The following PDE4D variants were observed in gnomAD, a reference collection of about 807,000 sequenced individuals.
PDE4D encodes the protein phosphodiesterase 4D, also known as 3',5'-cyclic-AMP phosphodiesterase 4D.
A neutral mutation model predicts 87.4 loss-of-function variants in PDE4D; 24 were observed. That is an observed-to-expected ratio of 0.27 (90% CI 0.20 to 0.39). The LOEUF is 0.39. Ranked by LOEUF, PDE4D falls within the 10% of genes least tolerant of loss-of-function variation. The pLI is 1.00. For synonymous variants in PDE4D, 384 were observed against 383.2 expected (o/e 1.00, Z -0.02); for missense variants, 714 against 1,041.0 (o/e 0.69, Z 4.32).
At chr5:59,928,888 T>C (rs944416751) in intron 3 of PDE4D, among the ~76,000 whole-genome samples, 3 of 148,424 alleles carry the variant, frequency 2.0e-5, no homozygotes, top group South Asian at 2.1e-4. Context: ...ATATTCTATA[T>C]ATCCATTTCT....
chr5:59,355,777 C>G (rs1781282536), intron 1 of PDE4D, among the ~76,000 whole-genome samples: 1 of 152,072 alleles, frequency 6.6e-6, no homozygotes, highest in African/African-American at 2.4e-5. Flanking sequence ...ATTCCAAGGA[C>G]ATTATCTTCT....
At chr5:59,253,509 T>C (rs1760385870) in intron 1 of PDE4D, among the ~76,000 whole-genome samples, 2 of 152,128 alleles carry the variant, frequency 1.3e-5, no homozygotes, top group African/African-American at 4.8e-5. Flanking sequence ...CACAGCGTAC[T>C]CCTCATTATC....
intron 6 of PDE4D, among the ~76,000 whole-genome samples, chr5:59,026,263 T>C (rs928463948): frequency 1.3e-5 from 2 of 152,194 alleles, no homozygotes; most frequent in Non-Finnish European, 2.9e-5. Context: ...TATGATAAAA[T>C]TTCTGAGACA....
intron 1 of PDE4D, among the ~76,000 whole-genome samples, chr5:60,308,263 G>T (rs1053813899): frequency 1.3e-5 from 2 of 152,168 alleles, no homozygotes; most frequent in African/African-American, 2.4e-5. Context: ...ATTCTATTAT[G>T]TTTGACTTTC....
chr5:59,235,150 A>G (rs1756116039), intron 1 of PDE4D, among the ~76,000 whole-genome samples: 1 of 152,176 alleles, frequency 6.6e-6, no homozygotes, highest in Non-Finnish European at 1.5e-5. Context: ...CACATATGCC[A>G]CTAATCCCAC....
intron 5 of PDE4D, among the ~76,000 whole-genome samples, chr5:59,073,514 G>GGGT (rs1214591477): frequency 7.4e-6 from 1 of 135,330 alleles, no homozygotes; most frequent in East Asian, 2.2e-4. Flanking sequence ...GGGCGGGGGG[G>GGGT]GCGGGTGGTT....
At chr5:60,468,295 CACCT>C (rs1271417840) in intron 1 of PDE4D, among the ~76,000 whole-genome samples, 2 of 151,950 alleles carry the variant, frequency 1.3e-5, no homozygotes, top group Non-Finnish European at 2.9e-5. Flanking sequence ...AGTGCCACCA[CACCT>C]GGCTAATTTC....
At chr5:60,322,406 AC>A (rs58676272) in intron 1 of PDE4D, among the ~76,000 whole-genome samples, 50 of 137,728 alleles carry the variant, frequency 3.6e-4, no homozygotes, top group African/African-American at 1.3e-3. Flanking sequence ...ACACACACAC[AC>A]ACACACACAA....
At chr5:60,339,208 C>T (rs1758092253) in intron 1 of PDE4D, among the ~76,000 whole-genome samples, 1 of 152,110 alleles carries the variant, frequency 6.6e-6, no homozygotes, top group South Asian at 2.1e-4. Flanking sequence ...TAGGTTCAAA[C>T]TTTCACCTTT....
chr5:60,129,136 T>A (rs935930031), intron 2 of PDE4D, among the ~76,000 whole-genome samples: 2 of 152,258 alleles, frequency 1.3e-5, no homozygotes, highest in South Asian at 2.1e-4. Flanking sequence ...TTTTAAAATA[T>A]GTGCTTTTTG....
chr5:59,907,662 TTC>T (rs1199332329), intron 3 of PDE4D, among the ~76,000 whole-genome samples: 1 of 152,108 alleles, frequency 6.6e-6, no homozygotes, highest in African/African-American at 2.4e-5. Context: ...ATAAATAACA[TTC>T]TCTCTGCGTT....
Position 60,287,360 on chromosome 5 carries a change from G to C in PDE4D, c.-89-101673C>G, listed in dbSNP as rs73104768. ...TGCCATGAAAATAAACTCCACCCTC[G>C]TATTGCTGTGTAGGAGAGGCGCCCC... On this transcript the variant is annotated intron_variant, in intron 1 of 16. Coordinates refer to the PDE4D transcript ENST00000502484. 7.3e-3 allele frequency among the ~76,000 whole-genome samples: 1,110 copies of C among 152,280 alleles called. 18 individuals are homozygous for C. The highest frequency in any genetic ancestry group is 0.025 in the African/African-American group (1,042 of 41,564).
At chr5:59,177,953 T>A (rs903698303) in intron 5 of PDE4D, among the ~76,000 whole-genome samples, 2 of 152,112 alleles carry the variant, frequency 1.3e-5, no homozygotes, top group African/African-American at 4.8e-5. Context: ...TTTTTAATAC[T>A]TCTTTGCCCT....
intron 2 of PDE4D, among the ~76,000 whole-genome samples, chr5:59,207,062 G>C (rs1748956174): frequency 6.6e-6 from 1 of 152,040 alleles, no homozygotes; most frequent in South Asian, 2.1e-4. Context: ...GCATACCCCT[G>C]TGTTTGGGCT....
In PDE4D at chr5:59,436,834, C is replaced by T. The variant is rs186887114; in HGVS notation, c.456-220866G>A. 2.7e-3 allele frequency among the ~76,000 whole-genome samples: 411 copies of T among 152,210 alleles called. 1 individual carries two copies. The highest frequency in any genetic ancestry group is 6.0e-3 in the South Asian group (29 of 4,824). On this transcript the variant is annotated intron_variant, in intron 1 of 14. Coordinates refer to ENST00000340635, the MANE Select transcript of PDE4D (RefSeq NM_001104631.2). ...TTGCCTCCAAAACCCAACAGAAACC[C>T]GTTGGTCACATAAAGGCAAGTTTAT...
intron 1 of PDE4D, among the ~76,000 whole-genome samples, chr5:59,844,545 A>C (rs556254276): frequency 3.9e-5 from 6 of 152,218 alleles, no homozygotes; most frequent in Admixed American, 3.9e-4. Context: ...CCAGGTCAGC[A>C]TTCCAGCCTT....
chr5:60,355,658 C>T (rs960871886), intron 1 of PDE4D, among the ~76,000 whole-genome samples: 2 of 151,922 alleles, frequency 1.3e-5, no homozygotes, highest in African/African-American at 4.8e-5. Context: ...TTGAGCAATA[C>T]TATAAACAGC....
intron 1 of PDE4D, among the ~76,000 whole-genome samples, chr5:59,881,413 G>A (rs891219513): frequency 3.9e-5 from 6 of 151,932 alleles, no homozygotes; most frequent in Admixed American, 3.3e-4. Flanking sequence ...TCATCATCCT[G>A]GCAATCCATG....
chr5:59,544,184 G>C (rs1816865477), intron 1 of PDE4D, among the ~76,000 whole-genome samples: 1 of 152,118 alleles, frequency 6.6e-6, no homozygotes, highest in African/African-American at 2.4e-5. Flanking sequence ...ACAAGGAAAA[G>C]GCAACTGGCA....
Sources: allele counts gnomAD v4.1 joint callset (sites outside exome capture counted in the v4.1 genomes callset), GRCh38; gene constraint gnomAD v4.1.1; transcripts MANE v1.5; gene names NCBI Gene and HGNC (gene_info 2026-07-23, HGNC 2026-07-21).